Variants in UTRN observed in about 807,000 individuals in gnomAD.
The protein encoded by UTRN is dystrophin-related protein 1.
UTRN carries 283 observed loss-of-function variants against 463.9 expected under a neutral mutation model. The observed-to-expected ratio is 0.61, with a 90% CI of 0.55 to 0.67. The LOEUF (loss-of-function observed/expected upper bound fraction) is 0.67. Among genes scored for constraint, UTRN ranks in the 30% least tolerant of loss-of-function variants. The pLI, the probability that UTRN is intolerant of heterozygous loss-of-function variation, is 0.00. For synonymous variants in UTRN, 1,442 were observed against 1,431.5 expected, an observed-to-expected ratio of 1.01 and a Z score of -0.17; for missense variants, 3,922 against 4,084.3, an observed-to-expected ratio of 0.96 and a Z score of 1.08.
chr6:144,648,476 ATCT>A (rs1778496831), intron 51 of UTRN, among the ~76,000 whole-genome samples: 1 of 152,200 alleles, frequency 6.6e-6, no homozygotes, highest in African/African-American at 2.4e-5. Flanking sequence ...GAAATGATAA[ATCT>A]TCTAGCTCAT....
chr6:144,457,209 A>C (rs921984546), intron 19 of UTRN, among the ~76,000 whole-genome samples: 1 of 152,230 alleles, frequency 6.6e-6, no homozygotes, highest in African/African-American at 2.4e-5. Context: ...TCAGGATTAG[A>C]GAAAGGGAGA....
At chr6:144,608,569 C>T (rs1805124287) in intron 51 of UTRN, among the ~76,000 whole-genome samples, 1 of 152,148 alleles carries the variant, frequency 6.6e-6, no homozygotes, top group African/African-American at 2.4e-5. Flanking sequence ...TGTACCACCC[C>T]TCCCCCAAGC....
chr6:144,361,156 G>A (rs953496430), intron 2 of UTRN, among the ~76,000 whole-genome samples: 1 of 152,174 alleles, frequency 6.6e-6, no homozygotes, highest in Non-Finnish European at 1.5e-5. Context: ...TGTACTATGG[G>A]ATTAAAGCCA....
intron 54 of UTRN, among the ~76,000 whole-genome samples, chr6:144,732,023 A>G (rs1788587448): frequency 6.6e-6 from 1 of 151,566 alleles, no homozygotes; most frequent in South Asian, 2.1e-4. Flanking sequence ...CACCACGCCC[A>G]GCTAGTTTTC....
At chr6:144,573,389 TA>T (rs879914234) in intron 50 of UTRN, among the ~76,000 whole-genome samples, 261 of 141,932 alleles carry the variant, frequency 1.8e-3, no homozygotes, top group East Asian at 3.5e-3. Context: ...CTATCTCTAC[TA>T]AAAAAAAAAA....
chr6:144,447,394 A>C (rs1185384251), intron 15 of UTRN, 76 bp downstream of exon 15: 8 of 1,455,400 alleles, frequency 5.5e-6, no homozygotes, highest in Non-Finnish European at 4.7e-6. Flanking sequence ...GGTTAGTAGA[A>C]TTTAGTGAAT....
chr6:144,433,358 G>A (rs1164277990), intron 9 of UTRN, among the ~76,000 whole-genome samples: 2 of 149,700 alleles, frequency 1.3e-5, no homozygotes, highest in Admixed American at 1.3e-4. Flanking sequence ...CTGGCCTGGC[G>A]GGGGCTGACC....
intron 51 of UTRN, among the ~76,000 whole-genome samples, chr6:144,598,782 G>A (rs1803925675): frequency 1.3e-5 from 2 of 152,148 alleles, no homozygotes; most frequent in African/African-American, 4.8e-5. Context: ...TCCAAAGAGA[G>A]GAAGTTATAA....
chr6:144,583,196 G>C, intron 51 of UTRN: 1 of 309,990 alleles, frequency 3.2e-6, no homozygotes, highest in Non-Finnish European at 5.9e-6. Context: ...AGCCGGCAGC[G>C]CTTGGCTGCT....
At chr6:144,672,519 T>C (rs1781155061) in intron 51 of UTRN, among the ~76,000 whole-genome samples, 1 of 152,122 alleles carries the variant, frequency 6.6e-6, no homozygotes, top group South Asian at 2.1e-4. Context: ...GTATCACCCA[T>C]TTCATTTCTA....
intron 51 of UTRN, among the ~76,000 whole-genome samples, chr6:144,607,324 G>T (rs1804962321): frequency 6.6e-6 from 1 of 151,980 alleles, no homozygotes; most frequent in African/African-American, 2.4e-5. Context: ...TGCAAATTAT[G>T]CTTTCCTTTG....
chr6:144,840,999 A>G (rs912511416), intron 73 of UTRN, among the ~76,000 whole-genome samples, 167 bp downstream of exon 73: 2 of 152,230 alleles, frequency 1.3e-5, no homozygotes, highest in Non-Finnish European at 2.9e-5. Context: ...ATGAAGCTCA[A>G]CCTAGATACT....
At chr6:144,461,698 T>A (rs980969482) in intron 22 of UTRN, among the ~76,000 whole-genome samples, 4 of 152,196 alleles carry the variant, frequency 2.6e-5, no homozygotes, top group Non-Finnish European at 5.9e-5. Flanking sequence ...GTCATTTAGT[T>A]GAGTAGCCTT....
chr6:144,516,292 G>A lies in UTRN; in HGVS notation c.5308G>A (p.Val1770Met), dbSNP rs1287869448. 1 of 1,613,838 alleles carries A rather than the reference G, an allele frequency of 6.2e-7. No individual in the cohort carries two copies. The highest frequency in any genetic ancestry group is 8.5e-7 in the Non-Finnish European group (1 of 1,179,924). The change falls in exon 38 of 75, where the codon GTG (valine) becomes ATG (methionine). Residue 1770 changes from valine to methionine, a missense_variant. Physicochemically the swap from Val to Met is conservative, Grantham distance 21. Coordinates refer to ENST00000367545, the MANE Select transcript of UTRN (RefSeq NM_007124.3). ...LVTTETFETG[V>M]PFSDLEKLEN... ...CACCACTGAAACATTTGAAACTGGT[G>A]TGCCTTTCTCTGACTTGGAAAAATT...
chr6:144,318,743 C>T (rs927423523), intron 2 of UTRN, among the ~76,000 whole-genome samples: 3 of 152,118 alleles, frequency 2.0e-5, no homozygotes, highest in Non-Finnish European at 4.4e-5. Context: ...GGATTACAGG[C>T]GTGAGCCACT....
intron 52 of UTRN, among the ~76,000 whole-genome samples, chr6:144,694,583 G>C (rs2128694395): frequency 6.6e-6 from 1 of 152,200 alleles, no homozygotes; most frequent in East Asian, 1.9e-4. Flanking sequence ...TTATTGGGCT[G>C]TTCAGGGATT....
intron 51 of UTRN, among the ~76,000 whole-genome samples, chr6:144,673,705 T>C (rs867973644): frequency 2.6e-4 from 40 of 152,218 alleles, no homozygotes; most frequent in South Asian, 1.7e-3. Context: ...CTGAATACCC[T>C]TTTTTAAAAA....
At chr6:144,403,938 A>G (rs1783153932) in intron 3 of UTRN, among the ~76,000 whole-genome samples, 1 of 152,196 alleles carries the variant, frequency 6.6e-6, no homozygotes, top group South Asian at 2.1e-4. Flanking sequence ...TCTCAGAGAA[A>G]CACTGTTGTG....
At chr6:144,625,239 C>A (rs759518242) in intron 51 of UTRN, among the ~76,000 whole-genome samples, 1 of 152,162 alleles carries the variant, frequency 6.6e-6, no homozygotes, top group Non-Finnish European at 1.5e-5. Flanking sequence ...AATTCTAGGT[C>A]AACAATGAAT....
Sources: gnomAD v4.1 joint callset for allele counts (sites outside exome capture counted in the v4.1 genomes callset) on GRCh38, gnomAD v4.1.1 for gene constraint, MANE v1.5 for transcripts, NCBI Gene and HGNC (gene_info 2026-07-23, HGNC 2026-07-21) for gene names.